The following PCBP3 variants were observed in gnomAD, a reference collection of about 807,000 sequenced individuals.
PCBP3 encodes poly(rC)-binding protein 3.
In PCBP3, 25 loss-of-function variants were observed where a neutral mutation model predicts 52.7. The ratio of observed to expected loss-of-function variants is 0.47; its 90% CI spans 0.35 to 0.66. The LOEUF (loss-of-function observed/expected upper bound fraction) is 0.66. Among genes scored for constraint, PCBP3 ranks in the 30% least tolerant of loss-of-function variants. PCBP3 has a pLI of 0.01. For missense variants in PCBP3, 391 were observed against 490.3 expected, an observed-to-expected ratio of 0.80 and a Z score of 1.91; for synonymous variants, 162 against 183.0, an observed-to-expected ratio of 0.89 and a Z score of 0.93.
At chr21:45,922,747 AGGCAGATCT>A (rs984626815) in intron 13 of PCBP3, among the ~76,000 whole-genome samples, 11 of 152,334 alleles carry the variant, frequency 7.2e-5, no homozygotes, top group African/African-American at 2.2e-4. Context: ...CAACCCTGTG[AGGCAGATCT>A]CAGGACCGTG....
chr21:45,658,024 A>G (rs1023208477), intron 1 of PCBP3, among the ~76,000 whole-genome samples: 2 of 152,190 alleles, frequency 1.3e-5, no homozygotes, highest in Non-Finnish European at 2.9e-5. Context: ...CTCACCAGTA[A>G]GTATAGGTAG....
intron 4 of PCBP3, among the ~76,000 whole-genome samples, chr21:45,782,938 G>A (rs2090754812): frequency 1.3e-5 from 2 of 152,236 alleles, no homozygotes; most frequent in Admixed American, 1.3e-4. Flanking sequence ...CGGAGCTTCA[G>A]CTTTGCTGAC....
rs542621443 is a variant in PCBP3, at chr21:45,722,875, T to C, written c.-199-12517T>C. Reference sequence around the variant, plus strand: ...AAAAAAAACAAAAATTAGCTGGGCGTGGTGGCGTTCACCTGTAGTCCCAAG... The same window carrying C: ...AAAAAAAACAAAAATTAGCTGGGCGCGGTGGCGTTCACCTGTAGTCCCAAG... On this transcript the variant is annotated intron_variant, in intron 2 of 17. Transcript: ENST00000681687. Among the ~76,000 whole-genome samples the C allele has an allele frequency of 3.7e-4, 56 of 151,784 alleles. No homozygotes were observed. In the South Asian group the frequency reaches 0.011, roughly 31 times the overall value.
At chr21:45,745,629 CAT>C (rs1316369594) in intron 3 of PCBP3, among the ~76,000 whole-genome samples, 1 of 152,224 alleles carries the variant, frequency 6.6e-6, no homozygotes, top group African/African-American at 2.4e-5. Flanking sequence ...GTGTGTCTAA[CAT>C]GTGCCAGGTG....
chr21:45,857,954 G>A (rs2094365555), intron 5 of PCBP3, among the ~76,000 whole-genome samples: 1 of 152,134 alleles, frequency 6.6e-6, no homozygotes, highest in South Asian at 2.1e-4. Flanking sequence ...GAGGGCAGGG[G>A]TGTTGCCTCC....
chr21:45,707,424 G>A (rs1359007319), intron 2 of PCBP3, among the ~76,000 whole-genome samples: 1 of 152,170 alleles, frequency 6.6e-6, no homozygotes, highest in Non-Finnish European at 1.5e-5. Context: ...GCTGAGGCAG[G>A]AGAATCGCTT....
At chr21:45,867,535 C>A (rs2094794327) in intron 5 of PCBP3, among the ~76,000 whole-genome samples, 1 of 152,248 alleles carries the variant, frequency 6.6e-6, no homozygotes, top group Admixed American at 6.5e-5. Flanking sequence ...ATGCAAATAT[C>A]CTTCCACCAG....
chr21:45,720,910 T>TA (rs2084584528), intron 2 of PCBP3, among the ~76,000 whole-genome samples: 1 of 152,248 alleles, frequency 6.6e-6, no homozygotes, highest in Non-Finnish European at 1.5e-5. Context: ...ACAAGAATAT[T>TA]ACTTATTCTC....
intron 3 of PCBP3, among the ~76,000 whole-genome samples, chr21:45,739,126 C>A (rs1485536830): frequency 7.1e-6 from 1 of 140,584 alleles, no homozygotes; most frequent in South Asian, 2.4e-4. Flanking sequence ...GTGGCCCCCC[C>A]ATCTTCATCA....
chr21:45,796,819 G>C (rs1437214158), intron 4 of PCBP3, among the ~76,000 whole-genome samples: 1 of 152,144 alleles, frequency 6.6e-6, no homozygotes. Context: ...AAAAAACTTT[G>C]TATGGGGTTT....
chr21:45,856,248 C>T (rs1163036817), intron 5 of PCBP3, among the ~76,000 whole-genome samples: 2 of 152,312 alleles, frequency 1.3e-5, no homozygotes, highest in East Asian at 3.9e-4. Context: ...GGGTGGACAC[C>T]TATGAGATTT....
intron 13 of PCBP3, among the ~76,000 whole-genome samples, chr21:45,924,676 C>T (rs1256968045): frequency 6.0e-5 from 3 of 49,624 alleles, no homozygotes; most frequent in Non-Finnish European, 7.3e-5. Context: ...ATCGGGTGTG[C>T]GTGAGGAGAT....
intron 1 of PCBP3, among the ~76,000 whole-genome samples, chr21:45,646,078 TCTCTTTCTC>T (rs1569069871): frequency 8.9e-6 from 1 of 112,252 alleles, no homozygotes; most frequent in African/African-American, 3.6e-5. Flanking sequence ...TCTCTCTCTC[TCTCTTTCTC>T]TCTCTCTCTC....
chr21:45,873,646 T>C (rs2095127707), intron 5 of PCBP3, among the ~76,000 whole-genome samples: 1 of 152,226 alleles, frequency 6.6e-6, no homozygotes, highest in South Asian at 2.1e-4. Flanking sequence ...GGTTTCATTT[T>C]ATTCACCTGC....
chr21:45,830,708 C>G lies in PCBP3; in HGVS notation c.-125-19253C>G, dbSNP rs1390348248. ...GCCTGGGTTGGTGAAATGGTAGAAG[C>G]TCTTCTCTAATTAAATGCTCATCCT... On this transcript the variant is annotated intron_variant, in intron 4 of 17. Transcript: ENST00000681687. This position sits in a 1 kb window ranked among gnomAD's most constrained non-coding sequence, Gnocchi z 4.4. The G allele has an allele frequency of 1.3e-5, 2 of 152,240 alleles. No individual in the cohort carries two copies. Among genetic ancestry groups the G allele is most frequent in the African/African-American group, 2.4e-5 (1 of 41,464 alleles). 9.4% of individuals were successfully genotyped at this position (152,240 alleles called of 1,614,324 possible). A position where few individuals can be genotyped will look rare whatever the true frequency, so the allele number is the denominator to read the frequency against.
chr21:45,677,637 C>A (rs571555281), intron 2 of PCBP3, among the ~76,000 whole-genome samples: 13 of 152,272 alleles, frequency 8.5e-5, no homozygotes, highest in African/African-American at 2.9e-4. Context: ...GAAGTCAATG[C>A]CTGGCTTCAA....
chr21:45,876,899 G>A (rs939682569), intron 5 of PCBP3, among the ~76,000 whole-genome samples: 1 of 152,232 alleles, frequency 6.6e-6, no homozygotes, highest in Non-Finnish European at 1.5e-5. Flanking sequence ...CTGCGGCTGC[G>A]AGGACCCCAG....
chr21:45,742,400 C>T (rs1343420121), intron 3 of PCBP3, among the ~76,000 whole-genome samples: 1 of 152,226 alleles, frequency 6.6e-6, no homozygotes, highest in Non-Finnish European at 1.5e-5. Flanking sequence ...ACACACATGG[C>T]TTAGCTCTTT....
At chr21:45,872,647 G>A (rs2095077849) in intron 5 of PCBP3, 1 of 152,250 alleles carries the variant, frequency 6.6e-6, no homozygotes, top group African/African-American at 2.4e-5. Flanking sequence ...CCGCGTTGGG[G>A]CTGCGGTCCC....
Sources: allele counts gnomAD v4.1 joint callset (sites outside exome capture counted in the v4.1 genomes callset), GRCh38; gene constraint gnomAD v4.1.1; non-coding constraint Gnocchi (gnomAD v3.1); transcripts MANE v1.5; gene names NCBI Gene and HGNC (gene_info 2026-07-23, HGNC 2026-07-21).